The following CADPS2 variants were observed in gnomAD, a reference collection of about 807,000 sequenced individuals.
CADPS2 encodes calcium dependent secretion activator 2, also known as calcium-dependent secretion activator 2.
CADPS2 carries 93 observed loss-of-function variants against 172.5 expected under a neutral mutation model. That is an observed-to-expected ratio of 0.54 (90% CI 0.46 to 0.64). The LOEUF (loss-of-function observed/expected upper bound fraction) is 0.64, where lower values mean the gene tolerates loss of function less well. Among genes scored for constraint, CADPS2 ranks in the 30% least tolerant of loss-of-function variants. The pLI is 0.00. For missense variants in CADPS2, 1,420 were observed against 1,565.9 expected, an observed-to-expected ratio of 0.91 and a Z score of 1.57; for synonymous variants, 546 against 555.2, an observed-to-expected ratio of 0.98 and a Z score of 0.23.
At chr7:122,443,911 T>C (rs976998565) in intron 15 of CADPS2, among the ~76,000 whole-genome samples, 4 of 152,046 alleles carry the variant, frequency 2.6e-5, no homozygotes, top group Non-Finnish European at 5.9e-5. Flanking sequence ...TTAAAATATA[T>C]GGTTTGGTTA....
At chr7:122,616,668 A>C (rs1003577934) in intron 5 of CADPS2, among the ~76,000 whole-genome samples, 3 of 152,168 alleles carry the variant, frequency 2.0e-5, no homozygotes, top group Non-Finnish European at 4.4e-5. Flanking sequence ...GACTAAGAAA[A>C]TTAATGGAGA....
chr7:122,693,725 G>A (rs2084701206), intron 2 of CADPS2, among the ~76,000 whole-genome samples: 1 of 152,192 alleles, frequency 6.6e-6, no homozygotes, highest in Non-Finnish European at 1.5e-5. Context: ...GGAGGCTGAG[G>A]TGGGCAGACT....
At chr7:122,753,180 T>C (rs2093020979) in intron 1 of CADPS2, among the ~76,000 whole-genome samples, 2 of 152,176 alleles carry the variant, frequency 1.3e-5, no homozygotes, top group Non-Finnish European at 1.5e-5. Context: ...TAAAATCTAG[T>C]AGGGTATAAT....
In CADPS2 at chr7:122,649,178, AC is replaced by A. The variant is rs577836481; in HGVS notation, c.786+14058del. Among the ~76,000 whole-genome samples, 21 of 151,918 alleles carry A rather than the reference AC, an allele frequency of 1.4e-4. 1 individual carries two copies. The South Asian group carries it at 4.0e-3, about 29-fold the overall frequency. ...GCCTCTTCGGCTACTCCAGCAACAC[AC>A]ACCATACCTCCCTAACAGATTCCAA... On this transcript the variant is annotated intron_variant, in intron 3 of 29. Coordinates refer to ENST00000449022, the MANE Select transcript of CADPS2 (RefSeq NM_017954.11).
At chr7:122,700,255 G>A (rs978801046) in intron 2 of CADPS2, among the ~76,000 whole-genome samples, 1 of 152,160 alleles carries the variant, frequency 6.6e-6, no homozygotes, top group South Asian at 2.1e-4. Flanking sequence ...ACTTTTGGTT[G>A]GAACTCACCA....
Position 122,513,334 on chromosome 7 carries a change from G to A in CADPS2, c.1476-19C>T. ...CAGATATCTGGAAAGAAAAACAAAA[G>A]CCAAAGAATACTTCAGATGAATAAT... On this transcript the variant is annotated intron_variant, in intron 8 of 29. Transcript: ENST00000449022. The A allele has an allele frequency of 5.9e-6, 9 of 1,521,812 alleles. No homozygotes were observed. The highest frequency in any genetic ancestry group is 8.0e-6 in the Non-Finnish European group (9 of 1,119,868). The allele number at this position is 1,521,812 out of a possible 1,614,324, so 94.3% of individuals were successfully genotyped here.
intron 17 of CADPS2, among the ~76,000 whole-genome samples, chr7:122,427,017 GAAGTAGGA>G (rs2049247127): frequency 6.6e-6 from 1 of 152,180 alleles, no homozygotes; most frequent in Non-Finnish European, 1.5e-5. Context: ...ATCTTCAGAG[GAAGTAGGA>G]AAGATTCTAG....
chr7:122,513,827 G>C, intron 8 of CADPS2, among the ~76,000 whole-genome samples: 1 of 152,170 alleles, frequency 6.6e-6, no homozygotes, highest in East Asian at 1.9e-4. Flanking sequence ...CGAAAGGATG[G>C]ATTTGCTGAT....
intron 8 of CADPS2, among the ~76,000 whole-genome samples, chr7:122,531,156 C>T (rs1337923112): frequency 1.3e-5 from 2 of 152,188 alleles, no homozygotes; most frequent in Non-Finnish European, 2.9e-5. Flanking sequence ...TTATTATATT[C>T]TTTGTGATTA....
At chr7:122,482,069 T>G (rs887440294) in intron 11 of CADPS2, among the ~76,000 whole-genome samples, 5 of 152,160 alleles carry the variant, frequency 3.3e-5, no homozygotes, top group African/African-American at 1.2e-4. Context: ...TAAAGTTCTA[T>G]GCTAGTGGTT....
chr7:122,393,139 C>T, intron 22 of CADPS2, 57 bp downstream of exon 22: 3 of 1,592,596 alleles, frequency 1.9e-6, no homozygotes, highest in South Asian at 1.1e-5. Context: ...GCGCAGAACA[C>T]AGCCCAGGCC....
intron 7 of CADPS2, among the ~76,000 whole-genome samples, chr7:122,561,192 C>T (rs761508002): frequency 1.4e-4 from 22 of 152,014 alleles, no homozygotes; most frequent in Non-Finnish European, 2.5e-4. Flanking sequence ...TTTCCATGGG[C>T]TAAATTGAGT....
rs1477018794 is a variant in CADPS2 at position 122,320,287 on chromosome 7, T to G, written c.3769A>C (p.Ser1257Arg). The change falls in exon 30 of 30, where the codon AGT becomes CGT. Residue 1257 changes from serine (S) to arginine (R), a missense_variant. Transcript: ENST00000449022. Reference sequence around the variant, plus strand: ...CTGTGCACAGTATCATAAGTCTTACTGTTCAGTGTTCCTTCCAACACACCC... The same window carrying G: ...CTGTGCACAGTATCATAAGTCTTACGGTTCAGTGTTCCTTCCAACACACCC... ...LQGVLEGTLN[S>R]KTYDTVHRRL... is the part of the protein sequence containing the mutation. The G allele has an allele frequency of 1.2e-6, 2 of 1,611,202 alleles. No homozygotes were observed.
intron 1 of CADPS2, among the ~76,000 whole-genome samples, chr7:122,790,027 TG>T (rs1438857032): frequency 6.9e-4 from 67 of 96,474 alleles, no homozygotes; most frequent in East Asian, 5.4e-3. Context: ...AAATATTAAG[TG>T]TTTTTTTTTT....
intron 2 of CADPS2, among the ~76,000 whole-genome samples, chr7:122,682,150 C>T (rs1329104732): frequency 6.6e-6 from 1 of 152,182 alleles, no homozygotes. Context: ...ATTTACCAAG[C>T]CTCTTGTATA....
intron 25 of CADPS2, among the ~76,000 whole-genome samples, chr7:122,369,126 TTCCCCC>T (rs386717355): frequency 1.9e-4 from 11 of 58,902 alleles, no homozygotes; most frequent in African/African-American, 5.6e-4. Flanking sequence ...GAATTTTTGT[TTCCCCC>T]CCCCCCCCCC....
At chr7:122,815,401 G>A (rs565628786) in intron 1 of CADPS2, among the ~76,000 whole-genome samples, 2 of 152,246 alleles carry the variant, frequency 1.3e-5, no homozygotes, top group South Asian at 2.1e-4. Flanking sequence ...TGGAAAAGCC[G>A]ATAACAGCTA....
intron 2 of CADPS2, among the ~76,000 whole-genome samples, chr7:122,716,388 G>T (rs1196994354): frequency 6.6e-6 from 1 of 152,032 alleles, no homozygotes; most frequent in Non-Finnish European, 1.5e-5. Flanking sequence ...CTACCAAAAA[G>T]GCAGGAAAAT....
At chr7:122,675,203 C>G (rs950776123) in intron 2 of CADPS2, among the ~76,000 whole-genome samples, 3 of 152,210 alleles carry the variant, frequency 2.0e-5, no homozygotes, top group African/African-American at 2.4e-5. Flanking sequence ...TCTGTGGGAC[C>G]TGTCTGTGAC....
Sources: gnomAD v4.1 joint callset for allele counts (sites outside exome capture counted in the v4.1 genomes callset) on GRCh38, gnomAD v4.1.1 for gene constraint, MANE v1.5 for transcripts, NCBI Gene and HGNC (gene_info 2026-07-23, HGNC 2026-07-21) for gene names.